Variants in LUC7L2 observed in about 807,000 individuals in gnomAD.
LUC7L2 encodes LUC7 like 2, pre-mRNA splicing factor, also known as putative RNA-binding protein Luc7-like 2.
Under a neutral mutation model 52.8 loss-of-function variants are expected in LUC7L2, and 25 were observed. That is an observed-to-expected ratio of 0.47 (90% CI 0.34 to 0.66). The LOEUF is 0.66. Among genes scored for constraint, LUC7L2 ranks in the 30% least tolerant of loss-of-function variants. The probability of loss-of-function intolerance (pLI) is 0.01; values close to 1 mark genes in which losing one functional copy is unlikely to be tolerated. For synonymous variants in LUC7L2, 144 were observed against 160.9 expected (o/e 0.89, Z 0.80); for missense variants, 328 against 497.8 (o/e 0.66, Z 3.25).
chr7:139,356,615 TAAAA>T (rs112295252), upstream of LUC7L2, among the ~76,000 whole-genome samples: 1 of 141,258 alleles, frequency 7.1e-6, no homozygotes. Context: ...AAACCTGCGT[TAAAA>T]AAAAAAAAAA....
At chr7:139,366,363 G>A (rs1260250560) in intron 1 of LUC7L2, among the ~76,000 whole-genome samples, 1 of 152,094 alleles carries the variant, frequency 6.6e-6, no homozygotes, top group Non-Finnish European at 1.5e-5. Context: ...GCAGACCCCA[G>A]TTTTCTCTTT....
intron 2 of LUC7L2, among the ~76,000 whole-genome samples, chr7:139,384,803 G>T (rs1451566057): frequency 6.6e-6 from 1 of 152,100 alleles, no homozygotes; most frequent in African/African-American, 2.4e-5. Flanking sequence ...GGAGTGCAGT[G>T]GCTATTTGTA....
chr7:139,368,829 A>C (rs1800301597), intron 1 of LUC7L2, among the ~76,000 whole-genome samples: 2 of 151,940 alleles, frequency 1.3e-5, no homozygotes. Context: ...CCCAGAGGCA[A>C]CCCTTTTTGT....
chr7:139,383,472 C>T (rs1023687846), intron 2 of LUC7L2, among the ~76,000 whole-genome samples: 6 of 151,838 alleles, frequency 4.0e-5, no homozygotes, highest in African/African-American at 1.2e-4. Context: ...AGTGTAATGG[C>T]GCGATCTCGG....
intron 1 of LUC7L2, chr7:139,341,458 C>T (rs775171261): frequency 1.6e-5 from 26 of 1,613,554 alleles, no homozygotes; most frequent in Non-Finnish European, 2.2e-5. Context: ...AGCGCGGCCA[C>T]CGGCCGACCC....
chr7:139,370,422 C>T (rs1049840344), intron 1 of LUC7L2, among the ~76,000 whole-genome samples: 5 of 152,092 alleles, frequency 3.3e-5, no homozygotes, highest in South Asian at 4.1e-4. Flanking sequence ...CAGTAATCAT[C>T]GCTTTTACTT....
intron 7 of LUC7L2, 33 bp downstream of exon 7, chr7:139,409,687 A>C: frequency 6.4e-7 from 1 of 1,564,028 alleles, no homozygotes; most frequent in Non-Finnish European, 8.6e-7. Flanking sequence ...ATTGAAGTTG[A>C]ATCTCTGTGG....
At chr7:139,406,563 A>G (rs1042833945) in intron 5 of LUC7L2, among the ~76,000 whole-genome samples, 1 of 152,036 alleles carries the variant, frequency 6.6e-6, no homozygotes, top group Non-Finnish European at 1.5e-5. Flanking sequence ...CATGTTGGCC[A>G]GGCTGGTCTT....
intron 1 of LUC7L2, among the ~76,000 whole-genome samples, chr7:139,366,232 C>T (rs1800148406): frequency 6.6e-6 from 1 of 152,198 alleles, no homozygotes; most frequent in African/African-American, 2.4e-5. Context: ...GAACCATGTA[C>T]AACTGATGTT....
At chr7:139,368,560 G>A (rs1282875539) in intron 1 of LUC7L2, among the ~76,000 whole-genome samples, 1 of 152,038 alleles carries the variant, frequency 6.6e-6, no homozygotes, top group Non-Finnish European at 1.5e-5. Flanking sequence ...CCAACATGGT[G>A]AAACCTGTCT....
upstream of LUC7L2, chr7:139,359,788 A>G: frequency 2.5e-6 from 1 of 399,470 alleles, no homozygotes; most frequent in Non-Finnish European, 4.4e-6. Context: ...ACGCGCCCAG[A>G]GCCGTTAGGG....
intron 9 of LUC7L2, among the ~76,000 whole-genome samples, chr7:139,419,096 C>T (rs577856373): frequency 1.3e-5 from 2 of 149,522 alleles, no homozygotes; most frequent in South Asian, 2.1e-4. Flanking sequence ...GGTGACAGAG[C>T]GAGACTCCAG....
upstream of LUC7L2, chr7:139,359,133 C>A (rs1799721492): frequency 6.6e-6 from 1 of 152,236 alleles, no homozygotes; most frequent in Non-Finnish European, 1.5e-5. Flanking sequence ...AGCCAAGGCC[C>A]CAGTCACGGG....
At chr7:139,374,630 C>T (rs939117714) in intron 1 of LUC7L2, 17 of 1,445,352 alleles carry the variant, frequency 1.2e-5, no homozygotes, top group African/African-American at 2.9e-5. Context: ...CTACTAGAGA[C>T]GAGCTTCTAG....
chr7:139,366,898 A>G (rs1259106493), intron 1 of LUC7L2, among the ~76,000 whole-genome samples: 1 of 152,230 alleles, frequency 6.6e-6, no homozygotes, highest in Admixed American at 6.5e-5. Flanking sequence ...ATTCTGATAC[A>G]CATTAAAAGT....
At chr7:139,386,856 T>G (rs1794224344) in intron 2 of LUC7L2, among the ~76,000 whole-genome samples, 1 of 152,176 alleles carries the variant, frequency 6.6e-6, no homozygotes. Context: ...AGCTTTTTTT[T>G]GAGACAGAGT....
chr7:139,398,638 G>C lies in LUC7L2; in HGVS notation c.196G>C (p.Ala66Pro). The change falls in exon 3 of 10, where the codon GCT becomes CCT. Residue 66 changes from alanine to proline, a missense_variant. By Grantham distance (27) the Ala-to-Pro change is conservative. This residue lies in a region of LUC7L2 where 133 missense variants were observed against 274.4 expected (regional missense o/e 0.48). Transcript: ENST00000354926. Reference sequence around the variant, plus strand: ...AGAATGTCTGAAAGTCCATGACCTGGCTTTAAGAGCGGATTATGAAATTGC... The same window carrying C: ...AGAATGTCTGAAAGTCCATGACCTGCCTTTAAGAGCGGATTATGAAATTGC... Reference protein sequence around the residue: ...LGECLKVHDLALRADYEIASK... With the variant: ...LGECLKVHDLPLRADYEIASK... The C allele has an allele frequency of 6.2e-7, 1 of 1,612,684 alleles. No individual in the cohort carries two copies.
intron 6 of LUC7L2, among the ~76,000 whole-genome samples, chr7:139,409,000 G>C (rs7781579): frequency 0.39 from 58,165 of 150,620 alleles, 15,568 homozygotes; most frequent in African/African-American, 0.77. Context: ...AATATTAATA[G>C]AAAAATTAGC....
In LUC7L2 at chr7:139,412,597, A is replaced by T. The variant is rs1199829331; in HGVS notation, c.809+17A>T. 1 of 1,602,090 alleles carries T rather than the reference A, an allele frequency of 6.2e-7. No homozygotes were observed. Among genetic ancestry groups the T allele is most frequent in the Non-Finnish European group, 8.5e-7 (1 of 1,176,082 alleles). ...TCCAAAAAGGTAGGTGTATTACATAAGACAGGTATAAGTAGTGAAGTTGTC... is the reference window on the plus strand; with the variant it reads ...TCCAAAAAGGTAGGTGTATTACATATGACAGGTATAAGTAGTGAAGTTGTC... On this transcript the variant is annotated intron_variant, in intron 8 of 9. Coordinates refer to ENST00000354926, the MANE Select transcript of LUC7L2 (RefSeq NM_016019.5).
Sources: gnomAD v4.1 joint callset for allele counts (sites outside exome capture counted in the v4.1 genomes callset) on GRCh38, gnomAD v4.1.1 for gene constraint, gnomAD v4.1.1 regional missense constraint, MANE v1.5 for transcripts, NCBI Gene and HGNC (gene_info 2026-07-23, HGNC 2026-07-21) for gene names.